The following UBA5 variants were observed in gnomAD, a reference collection of about 807,000 sequenced individuals.
UBA5 encodes ubiquitin like modifier activating enzyme 5, also known as ubiquitin-like modifier-activating enzyme 5.
In UBA5, 28 loss-of-function variants were observed where a neutral mutation model predicts 52.9. That is an observed-to-expected ratio of 0.53 (90% CI 0.39 to 0.73). The LOEUF is 0.73. Among genes scored for constraint, UBA5 ranks in the 30% least tolerant of loss-of-function variants. The pLI is 0.00. For missense variants in UBA5, 388 were observed against 492.7 expected (o/e 0.79, Z 2.01); for synonymous variants, 135 against 162.1 (o/e 0.83, Z 1.27).
At position 132,671,021 on chromosome 3, in the gene UBA5, A is replaced by G. The variant is rs750452534; in HGVS notation, c.551A>G (p.Asn184Ser). 13 of 1,613,214 alleles carry G rather than the reference A, an allele frequency of 8.1e-6. No individual in the cohort carries two copies. The East Asian group carries it at 2.0e-4, about 25-fold the overall frequency. Residue 184 changes from asparagine to serine, a missense_variant, in exon 6 of 12, where the codon AAT becomes AGT. By Grantham distance (46) the Asn-to-Ser change is conservative. Transcript: ENST00000356232. The part of the protein sequence containing the change: ...PVDLVLSCVD[N>S]FEARMTINTA... ...GATCTAGTTCTTAGCTGTGTGGACA[A>G]TTTTGAAGCTCGAATGACAATAAAT...
upstream of UBA5, among the ~76,000 whole-genome samples, chr3:132,655,545 T>G (rs1263598358): frequency 6.6e-6 from 1 of 152,210 alleles, no homozygotes; most frequent in Non-Finnish European, 1.5e-5. Context: ...TCTGGAACAC[T>G]CTTTTCCTGG....
chr3:132,657,232 C>T (rs1937856510), upstream of UBA5, among the ~76,000 whole-genome samples: 1 of 152,146 alleles, frequency 6.6e-6, no homozygotes, highest in African/African-American at 2.4e-5. Flanking sequence ...TTGAAAAGTT[C>T]TTCTTTTCCC....
chr3:132,668,113 C>G (rs922473186), intron 3 of UBA5: 4 of 151,726 alleles, frequency 2.6e-5, no homozygotes, highest in African/African-American at 9.7e-5. Context: ...GTCCTTGGCT[C>G]TAGCCTGTTC....
intron 1 of UBA5, among the ~76,000 whole-genome samples, chr3:132,663,478 C>G (rs1329240424): frequency 6.6e-6 from 1 of 152,116 alleles, no homozygotes; most frequent in Admixed American, 6.6e-5. Flanking sequence ...TGCTTACATA[C>G]TGAGTGTCGA....
chr3:132,670,201 C>T lies in UBA5; in HGVS notation c.411C>T (p.Asn137=). Reference sequence around the variant, plus strand: ...TCATTCCCTTTTTCCTTCTTAGGAACATTAATCCTGATGTTCTTTTTGAAG... The same window carrying T: ...TCATTCCCTTTTTCCTTCTTAGGAATATTAATCCTGATGTTCTTTTTGAAG... ...KVQAAEHTLR[N]INPDVLFEVH... is the part of the protein sequence containing the mutation. Residue 137 remains asparagine (N), a synonymous_variant, in exon 5 of 12, where the codon AAC becomes AAT. Transcript: ENST00000356232. 6.9e-7 allele frequency: 1 copy of T among 1,447,286 alleles called. No homozygotes were observed. 89.7% of individuals were successfully genotyped at this position (1,447,286 alleles called of 1,614,324 possible).
chr3:132,678,867 CTTG>C lies in UBA5; in HGVS notation c.*2342_*2344del, dbSNP rs1191053250. On this transcript the variant is annotated 3_prime_UTR_variant, in exon 12 of 12. Transcript: ENST00000356232. ...GTTTCACCATGTTGGCCAGGCTGGT[CTTG>C]AACTCCTGACCTCAGGTGATCCACC... Among the ~76,000 whole-genome samples, 1 of 151,604 alleles carries C rather than the reference CTTG, an allele frequency of 6.6e-6. No homozygotes were observed. Among genetic ancestry groups the C allele is most frequent in the Non-Finnish European group, 1.5e-5 (1 of 67,922 alleles).
chr3:132,678,925 T>C lies in UBA5; in HGVS notation c.*2399T>C, dbSNP rs138774311. Among the ~76,000 whole-genome samples, 183 of 152,046 alleles carry C rather than the reference T, an allele frequency of 1.2e-3. 1 individual carries two copies. Among genetic ancestry groups the C allele is most frequent in the African/African-American group, 3.8e-3 (157 of 41,490 alleles). On this transcript the variant is annotated 3_prime_UTR_variant, in exon 12 of 12. Transcript: ENST00000356232. ...TTGGCCTCCCAAAGTGCTGGGATTA[T>C]AGGTGTGAGCCACCACGCCCAGCCA...
chr3:132,658,891 T>G (rs756520407), upstream of UBA5, among the ~76,000 whole-genome samples: 1 of 152,186 alleles, frequency 6.6e-6, no homozygotes, highest in Non-Finnish European at 1.5e-5. Context: ...GGAAACTAGT[T>G]CTCAGAGTGT....
chr3:132,660,003 T>C (rs1490729271), upstream of UBA5: 6 of 440,950 alleles, frequency 1.4e-5, no homozygotes, highest in African/African-American at 4.1e-5. This position sits in a 1 kb window ranked among gnomAD's most constrained non-coding sequence, Gnocchi z 4.1. Context: ...AGCGTCAGAG[T>C]TGGAGGCCTC....
chr3:132,661,193 C>T (rs1182932282), intron 1 of UBA5: 2 of 514,984 alleles, frequency 3.9e-6, no homozygotes, highest in Non-Finnish European at 6.0e-6. Flanking sequence ...GCCCAGGCCT[C>T]TCTTTTCTTC....
Position 132,676,535 on chromosome 3 carries a change from C to CTGGG in UBA5, c.*10_*13dup, listed in dbSNP as rs778370826. ...AAATGAAGAATATGTAGATAATGGA[C>CTGGG]TGGGATATATTGTATTTCTCATGTT... On this transcript the variant is annotated 3_prime_UTR_variant, in exon 12 of 12. Coordinates refer to ENST00000356232, the MANE Select transcript of UBA5 (RefSeq NM_024818.6). This position sits in a 1 kb window ranked among gnomAD's most constrained non-coding sequence, Gnocchi z 4.1. 3 of 1,590,758 alleles carry CTGGG rather than the reference C, an allele frequency of 1.9e-6. No individual in the cohort carries two copies. The Admixed American group carries it at 5.3e-5, about 28-fold the overall frequency.
chr3:132,667,698 G>C (rs1467111415), intron 3 of UBA5: 1 of 152,126 alleles, frequency 6.6e-6, no homozygotes, highest in African/African-American at 2.4e-5. Context: ...CTTTATTTTA[G>C]AGATGAAGAT....
Position 132,670,217 on chromosome 3 carries a change from CT to C in UBA5, c.432del (p.Phe144LeufsTer8). 2 of 1,495,768 alleles carry C rather than the reference CT, an allele frequency of 1.3e-6. No homozygotes were observed. The highest frequency in any genetic ancestry group is 1.2e-5 in the South Asian group (1 of 85,888). The allele number at this position is 1,495,768 out of a possible 1,614,324, so 92.7% of individuals were successfully genotyped here. ...HTLRNINPDV[L>X]FEVHNYNITT... ...TCTTAGGAACATTAATCCTGATGTT[CT>C]TTTTGAAGTACACAACTATAATATA... On this transcript the variant is annotated frameshift_variant, in exon 5 of 12. Transcript: ENST00000356232. LOFTEE classifies it high-confidence loss of function.
At chr3:132,672,327 G>A in intron 8 of UBA5, 150 bp downstream of exon 8, 5 of 847,924 alleles carry the variant, frequency 5.9e-6, no homozygotes, top group Non-Finnish European at 6.9e-6. Context: ...TTTTATATAT[G>A]TATATGTGCA....
At chr3:132,675,140 A>G (rs1477460499) in intron 8 of UBA5, 108 bp from the exon 9 acceptor site, 1 of 831,294 alleles carries the variant, frequency 1.2e-6, no homozygotes, top group South Asian at 2.1e-5. Flanking sequence ...TTTCTGGTTA[A>G]AAAAAATATA....
chr3:132,664,785 C>T (rs1261574050), intron 1 of UBA5, among the ~76,000 whole-genome samples: 1 of 152,006 alleles, frequency 6.6e-6, no homozygotes, highest in South Asian at 2.1e-4. Flanking sequence ...AGGAAGGGAG[C>T]TGTATGTGCA....
rs764375500 is a variant in UBA5, at chr3:132,676,148, A to G, written c.1131+225A>G. Among the ~76,000 whole-genome samples, 1 of 152,148 alleles carries G rather than the reference A, an allele frequency of 6.6e-6. No homozygotes were observed. The highest frequency in any genetic ancestry group is 2.4e-5 in the African/African-American group (1 of 41,454). ...TTGTTCACTCATTAATGAACCAAGT[A>G]TAGTAGATTTTGATTAAATGAAGAT... On this transcript the variant is annotated intron_variant, in intron 11 of 11. Transcript: ENST00000356232. This position sits in a 1 kb window ranked among gnomAD's most constrained non-coding sequence, Gnocchi z 4.1.
intron 8 of UBA5, among the ~76,000 whole-genome samples, chr3:132,672,527 T>C (rs1938648564): frequency 6.6e-6 from 1 of 152,204 alleles, no homozygotes; most frequent in Non-Finnish European, 1.5e-5. Context: ...CTGAATGATT[T>C]AAATCTTTGC....
intron 8 of UBA5, among the ~76,000 whole-genome samples, chr3:132,673,012 C>T (rs900963650): frequency 1.3e-4 from 20 of 152,130 alleles, no homozygotes; most frequent in African/African-American, 4.8e-4. Flanking sequence ...TGCAACAAGA[C>T]ACAAGGAGGT....
Sources: gnomAD v4.1 joint callset for allele counts (sites outside exome capture counted in the v4.1 genomes callset) on GRCh38, gnomAD v4.1.1 for gene constraint, Gnocchi (gnomAD v3.1) non-coding constraint, MANE v1.5 for transcripts, NCBI Gene and HGNC (gene_info 2026-07-23, HGNC 2026-07-21) for gene names.